LAMA1: variants seen among roughly 807,000 people sequenced by gnomAD.
LAMA1 encodes laminin subunit alpha 1, also known as laminin subunit alpha-1.
A neutral mutation model predicts 348.7 loss-of-function variants in LAMA1; 219 were observed. The observed-to-expected ratio is 0.63, with a 90% CI of 0.56 to 0.70. LAMA1 has a LOEUF of 0.70. Among genes scored for constraint, LAMA1 ranks in the 30% least tolerant of loss-of-function variants. The pLI is 0.00. For synonymous variants in LAMA1, 1,487 were observed against 1,491.0 expected, an observed-to-expected ratio of 1.00 and a Z score of 0.06; for missense variants, 3,744 against 3,888.0, an observed-to-expected ratio of 0.96 and a Z score of 0.99.
intron 3 of LAMA1, among the ~76,000 whole-genome samples, chr18:7,078,127 T>A (rs1240127048): frequency 1.4e-5 from 2 of 147,488 alleles, no homozygotes; most frequent in African/African-American, 2.5e-5. Context: ...AAAGAAGCTC[T>A]TTTCTCTTTT....
At chr18:7,068,297 A>G (rs1035636108) in intron 3 of LAMA1, among the ~76,000 whole-genome samples, 1 of 152,206 alleles carries the variant, frequency 6.6e-6, no homozygotes, top group Non-Finnish European at 1.5e-5. Flanking sequence ...CTGCCTTTAA[A>G]GATGCAATGA....
At chr18:7,021,830 T>C (rs2057917868) in intron 19 of LAMA1, among the ~76,000 whole-genome samples, 1 of 60,958 alleles carries the variant, frequency 1.6e-5, no homozygotes, top group Non-Finnish European at 3.0e-5. Flanking sequence ...TATTATATAA[T>C]ATAATAATAT....
rs962115580 is a variant in LAMA1, at chr18:7,015,646, T to C, written c.3126+76A>G. 1.5e-5 allele frequency: 23 copies of C among 1,529,348 alleles called. No homozygotes were observed. The South Asian group carries it at 2.4e-4, about 16-fold the overall frequency. The allele number at this position is 1,529,348 out of a possible 1,614,324, so 94.7% of individuals were successfully genotyped here. A position where few individuals can be genotyped will look rare whatever the true frequency, so the allele number is the denominator to read the frequency against. ...TCAACAGATTAAAGTCCAGAAAATA[T>C]ATAGAAGAACAGGCCTGAAACTTGC... On this transcript the variant is annotated intron_variant, in intron 22 of 62. Transcript: ENST00000389658.
intron 19 of LAMA1, 105 bp from the exon 20 acceptor site, chr18:7,017,489 C>A: frequency 1.2e-6 from 1 of 801,800 alleles, no homozygotes; most frequent in South Asian, 1.5e-5. Context: ...TTCAATGTTT[C>A]AAATCACAAA....
intron 1 of LAMA1, among the ~76,000 whole-genome samples, chr18:7,088,621 G>A (rs952983659): frequency 6.6e-6 from 1 of 152,110 alleles, no homozygotes; most frequent in East Asian, 1.9e-4. Context: ...AGGCTCAAGC[G>A]ATCCTCCTAC....
intron 22 of LAMA1, among the ~76,000 whole-genome samples, chr18:7,014,345 G>A (rs2057875630): frequency 6.6e-6 from 1 of 152,148 alleles, no homozygotes; most frequent in Non-Finnish European, 1.5e-5. Context: ...ATCAGGCCAG[G>A]CACAGTGGTT....
intron 31 of LAMA1, 103 bp downstream of exon 31, chr18:6,999,808 G>A (rs1568024994): frequency 4.0e-6 from 5 of 1,261,794 alleles, no homozygotes; most frequent in Non-Finnish European, 4.6e-6. Context: ...CATCCAAACT[G>A]ATAATTGATA....
At chr18:6,989,179 CAT>C (rs1167526485) in intron 36 of LAMA1, among the ~76,000 whole-genome samples, 1 of 152,212 alleles carries the variant, frequency 6.6e-6, no homozygotes, top group Non-Finnish European at 1.5e-5. Context: ...ACATCACACA[CAT>C]GTTGCTGCAT....
At chr18:7,040,261 C>G in intron 9 of LAMA1, 25 bp from the exon 10 acceptor site, 3 of 1,613,612 alleles carry the variant, frequency 1.9e-6, no homozygotes, top group Non-Finnish European at 2.5e-6. Flanking sequence ...ATGGCAATGA[C>G]CCAACATGAA....
At position 7,023,150 on chromosome 18, in the gene LAMA1, G is replaced by T. The variant is rs376290444; in HGVS notation, c.2701+14C>A. On this transcript the variant is annotated intron_variant, in intron 19 of 62. Coordinates refer to ENST00000389658, the MANE Select transcript of LAMA1 (RefSeq NM_005559.4). The stretch of plus-strand genomic sequence containing the variant: ...CAATAAACAGCTGACCTGACTTCAC[G>T]CTCACGCACTCACCGCGGCAGTTCT... 3 of 1,609,152 alleles carry T rather than the reference G, an allele frequency of 1.9e-6. No individual in the cohort carries two copies. Among genetic ancestry groups the T allele is most frequent in the South Asian group, 2.2e-5 (2 of 90,390 alleles).
chr18:7,058,056 C>G (rs1273790007), intron 3 of LAMA1, among the ~76,000 whole-genome samples: 2 of 152,024 alleles, frequency 1.3e-5, no homozygotes. Context: ...CCCGTCTCAG[C>G]CTCCCAAAGT....
intron 33 of LAMA1, among the ~76,000 whole-genome samples, chr18:6,996,634 C>G (rs1438344803): frequency 1.3e-5 from 2 of 152,034 alleles, no homozygotes; most frequent in East Asian, 3.9e-4. Context: ...AAAGAACTAG[C>G]CAGGCATGGT....
intron 36 of LAMA1, among the ~76,000 whole-genome samples, chr18:6,990,488 G>T (rs1371130148): frequency 6.6e-6 from 1 of 152,144 alleles, no homozygotes; most frequent in African/African-American, 2.4e-5. Context: ...CAGGGGCATC[G>T]CCTCCAGGGT....
intron 16 of LAMA1, among the ~76,000 whole-genome samples, chr18:7,029,195 T>C (rs1348451694): frequency 6.6e-6 from 1 of 152,186 alleles, no homozygotes. Flanking sequence ...CTGGGTTACC[T>C]GTAGACTCTG....
intron 19 of LAMA1, among the ~76,000 whole-genome samples, chr18:7,019,871 G>A (rs1409281812): frequency 2.0e-5 from 3 of 151,492 alleles, no homozygotes; most frequent in Non-Finnish European, 2.9e-5. Flanking sequence ...TAGTAGAGAT[G>A]GGGTTTTGCC....
chr18:6,969,010 G>T (rs78879108), intron 48 of LAMA1, among the ~76,000 whole-genome samples: 5,978 of 152,282 alleles, frequency 0.039, 247 homozygotes, highest in African/African-American at 0.1. Context: ...AACAGGAGAA[G>T]GGGTGCAGTG....
chr18:6,997,776 A>G lies in LAMA1; in HGVS notation c.4772T>C (p.Leu1591Ser). 6.2e-7 allele frequency: 1 copy of G among 1,614,142 alleles called. No individual in the cohort carries two copies. Among genetic ancestry groups the G allele is most frequent in the Non-Finnish European group, 8.5e-7 (1 of 1,179,984 alleles). Reference sequence around the variant, plus strand: ...TTTAGTTGTATTTTCCAGGTTTGACAAAATTCCATATGGGACAGGGATAAT... The same window carrying G: ...TTTAGTTGTATTTTCCAGGTTTGACGAAATTCCATATGGGACAGGGATAAT... Reference protein sequence around the residue: ...TGIIPVPYGILSNLENTTKYL... With the variant: ...TGIIPVPYGISSNLENTTKYL... The change falls in exon 33 of 63, where the codon TTG (leucine) becomes TCG (serine). Residue 1591 changes from leucine (L) to serine (S), a missense_variant. This residue lies in a region of LAMA1 where 1,983 missense variants were observed against 1,934.3 expected (regional missense o/e 1.03). Transcript: ENST00000389658.
chr18:6,955,836 A>G (rs1012962705), intron 56 of LAMA1: 6 of 363,724 alleles, frequency 1.6e-5, no homozygotes, highest in Non-Finnish European at 3.2e-5. Context: ...AGCTGCCGAG[A>G]CGAGCTGCGG....
intron 29 of LAMA1, among the ~76,000 whole-genome samples, chr18:7,003,273 C>G (rs901948338): frequency 2.7e-5 from 4 of 148,194 alleles, no homozygotes; most frequent in African/African-American, 1.0e-4. Flanking sequence ...TTTTTTGAGA[C>G]AGAGTCTCGC....
Sources: gnomAD v4.1 joint callset for allele counts (sites outside exome capture counted in the v4.1 genomes callset) on GRCh38, gnomAD v4.1.1 for gene constraint, gnomAD v4.1.1 regional missense constraint, MANE v1.5 for transcripts, NCBI Gene and HGNC (gene_info 2026-07-23, HGNC 2026-07-21) for gene names.